ATP13A4: variants seen among roughly 807,000 people sequenced by gnomAD.
ATP13A4 encodes the protein ATPase 13A4, also known as probable cation-transporting ATPase 13A4.
A neutral mutation model predicts 142.5 loss-of-function variants in ATP13A4; 114 were observed. That is an observed-to-expected ratio of 0.80 (90% CI 0.69 to 0.93). ATP13A4 has a LOEUF of 0.93. ATP13A4 is among the 40% of genes least tolerant of loss of function. The pLI, the probability that ATP13A4 is intolerant of heterozygous loss-of-function variation, is 0.00. For missense variants in ATP13A4, 1,392 were observed against 1,454.0 expected, an observed-to-expected ratio of 0.96 and a Z score of 0.69; for synonymous variants, 488 against 514.8, an observed-to-expected ratio of 0.95 and a Z score of 0.70.
At chr3:193,509,827 G>A (rs1251340156) in intron 2 of ATP13A4, among the ~76,000 whole-genome samples, 1 of 152,160 alleles carries the variant, frequency 6.6e-6, no homozygotes, top group East Asian at 1.9e-4. Flanking sequence ...ACATTTACTT[G>A]AGAAAGAGAA....
At chr3:193,478,773 C>G (rs1337419313) in intron 8 of ATP13A4, among the ~76,000 whole-genome samples, 4 of 151,980 alleles carry the variant, frequency 2.6e-5, no homozygotes, top group Non-Finnish European at 5.9e-5. Context: ...TTTTTTGAAG[C>G]CAGTATCACC....
intron 8 of ATP13A4, among the ~76,000 whole-genome samples, chr3:193,479,776 T>C (rs1035306664): frequency 6.6e-6 from 1 of 151,984 alleles, no homozygotes; most frequent in African/African-American, 2.4e-5. Flanking sequence ...ATCCTAAAAT[T>C]CATATGGAGC....
intron 2 of ATP13A4, among the ~76,000 whole-genome samples, chr3:193,513,933 C>CTATA (rs1206307236): frequency 6.6e-6 from 1 of 152,168 alleles, no homozygotes; most frequent in Non-Finnish European, 1.5e-5. Flanking sequence ...ACTTAGTAGC[C>CTATA]TATAGCCTGA....
intron 1 of ATP13A4, among the ~76,000 whole-genome samples, chr3:193,540,120 C>G (rs908725975): frequency 6.6e-6 from 1 of 151,912 alleles, no homozygotes; most frequent in Admixed American, 6.6e-5. Flanking sequence ...TTATTTATTC[C>G]TCATAGGGTA....
intron 1 of ATP13A4, chr3:193,554,451 A>C: frequency 2.1e-6 from 1 of 484,992 alleles, no homozygotes; most frequent in Non-Finnish European, 3.8e-6. Flanking sequence ...AACAAGAATC[A>C]TAAAGTGCAT....
intron 8 of ATP13A4, among the ~76,000 whole-genome samples, chr3:193,479,472 C>G (rs1719164735): frequency 6.6e-6 from 1 of 152,102 alleles, no homozygotes; most frequent in South Asian, 2.1e-4. Context: ...TAGACACCAA[C>G]AGTGACCAAG....
chr3:193,573,290 C>T (rs1049390058), intron 2 of ATP13A4, among the ~76,000 whole-genome samples: 24,424 of 108,518 alleles, frequency 0.23, 3,444 homozygotes, highest in Non-Finnish European at 0.26. Context: ...TATATATATA[C>T]ACATATATAT....
At chr3:193,586,112 CACACATAT>C (rs1435221703) in intron 1 of ATP13A4, among the ~76,000 whole-genome samples, 1 of 126,268 alleles carries the variant, frequency 7.9e-6, no homozygotes, top group East Asian at 2.3e-4. Context: ...CACACACACA[CACACATAT>C]ACACACACAC....
At chr3:193,569,297 T>C (rs971276661) in intron 2 of ATP13A4, among the ~76,000 whole-genome samples, 3 of 152,218 alleles carry the variant, frequency 2.0e-5, no homozygotes, top group Admixed American at 6.5e-5. Flanking sequence ...ACCAGTCTAG[T>C]AGTCCTTAAA....
chr3:193,483,480 T>G (rs1373967790), intron 8 of ATP13A4, among the ~76,000 whole-genome samples: 1 of 152,218 alleles, frequency 6.6e-6, no homozygotes, highest in Admixed American at 6.5e-5. Flanking sequence ...TTGTTTTGTT[T>G]TTGAGATGGA....
chr3:193,518,644 A>T (rs1721557467), intron 1 of ATP13A4, among the ~76,000 whole-genome samples: 1 of 152,240 alleles, frequency 6.6e-6, no homozygotes, highest in Non-Finnish European at 1.5e-5. Context: ...ATGCAACACA[A>T]CATGGGCAAA....
intron 17 of ATP13A4, among the ~76,000 whole-genome samples, chr3:193,448,943 AG>A (rs1283142542): frequency 1.3e-5 from 2 of 152,094 alleles, no homozygotes; most frequent in Non-Finnish European, 2.9e-5. Context: ...TTACCCACAA[AG>A]GGGAGTTTTA....
intron 9 of ATP13A4, among the ~76,000 whole-genome samples, chr3:193,469,259 A>T (rs1277195773): frequency 6.6e-6 from 1 of 152,210 alleles, no homozygotes. Context: ...AGAAAGTTAT[A>T]GAGAAGATAG....
At position 193,483,936 on chromosome 3, in the gene ATP13A4, C is replaced by T; in HGVS notation, c.808G>A (p.Ala270Thr). The T allele has an allele frequency of 6.3e-7, 1 of 1,587,810 alleles. No homozygotes were observed. Among genetic ancestry groups the T allele is most frequent in the Admixed American group, 1.7e-5 (1 of 59,956 alleles). ...ATAGATCTAAAATAATGGAACTTAC[C>T]TTTTCTCCCACATACAGAGACCGTA... Reference protein sequence around the residue: ...SITVSVCGRKAGVQELESRVL... With the variant: ...SITVSVCGRKTGVQELESRVL... Residue 270 changes from alanine (A) to threonine (T), a missense_variant and splice_region_variant, in exon 8 of 30, where the codon GCT (alanine) becomes ACT (threonine). Physicochemically the swap from Ala to Thr is moderately conservative, Grantham distance 58. Coordinates refer to ENST00000342695, the MANE Select transcript of ATP13A4 (RefSeq NM_032279.4).
chr3:193,424,681 A>G (rs1715567726), intron 25 of ATP13A4, among the ~76,000 whole-genome samples: 1 of 149,796 alleles, frequency 6.7e-6, no homozygotes, highest in African/African-American at 2.4e-5. Flanking sequence ...CTCAAAGTGG[A>G]TTAAAAACTT....
At chr3:193,508,176 C>T (rs1720956089) in intron 2 of ATP13A4, among the ~76,000 whole-genome samples, 1 of 152,182 alleles carries the variant, frequency 6.6e-6, no homozygotes, top group Non-Finnish European at 1.5e-5. Flanking sequence ...TCTCCTGGCC[C>T]TAGATCTTGG....
Position 193,514,826 on chromosome 3 carries a change from G to C in ATP13A4, c.106C>G (p.Leu36Val). 6.2e-7 allele frequency: 1 copy of C among 1,614,200 alleles called. No homozygotes were observed. The highest frequency in any genetic ancestry group is 8.5e-7 in the Non-Finnish European group (1 of 1,180,030). Residue 36 changes from leucine to valine, a missense_variant, in exon 2 of 30, where the codon CTT (leucine) becomes GTT (valine). By Grantham distance (32) the Leu-to-Val change is conservative. Transcript: ENST00000342695. ...CCAAATGAGAAGATGGATCCGGCAA[G>C]GCAGAGACTTTTCCGGCAGCCTTGA... ...RTQGCRKSLC[L>V]AGSIFSFGIL...
Position 193,462,797 on chromosome 3 carries a change from C to T in ATP13A4, c.1488G>A (p.Leu496=), listed in dbSNP as rs369206909. The T allele has an allele frequency of 2.5e-6, 4 of 1,613,858 alleles. No individual in the cohort carries two copies. Among genetic ancestry groups the T allele is most frequent in the Admixed American group, 3.3e-5 (2 of 59,996 alleles). Residue 496 remains leucine (L), a synonymous_variant, in exon 13 of 30, where the codon TTG becomes TTA. Coordinates refer to ENST00000342695, the MANE Select transcript of ATP13A4 (RefSeq NM_032279.4). ...CACAGGACACGACTCCCCAGAGGTC[C>T]AAGCCGTCCCTTGTTAAGGTGCCTG... ...DKTGTLTRDG[L]DLWGVVSCDR... is the part of the protein sequence containing the mutation.
chr3:193,574,261 G>A (rs1344674136), intron 2 of ATP13A4, among the ~76,000 whole-genome samples: 3 of 152,262 alleles, frequency 2.0e-5, no homozygotes, highest in Non-Finnish European at 4.4e-5. Context: ...AAGGAAAGTA[G>A]GGAACACAAG....
Sources: allele counts gnomAD v4.1 joint callset (sites outside exome capture counted in the v4.1 genomes callset), GRCh38; gene constraint gnomAD v4.1.1; transcripts MANE v1.5; gene names NCBI Gene and HGNC (gene_info 2026-07-23, HGNC 2026-07-21).